NPC1: variants seen among roughly 807,000 people sequenced by gnomAD.
The protein encoded by NPC1 is Niemann-Pick C1 protein.
Under a neutral mutation model 140.4 loss-of-function variants are expected in NPC1, and 85 were observed. The observed-to-expected ratio is 0.61, with a 90% CI of 0.51 to 0.72. The LOEUF is 0.72. NPC1 is among the 30% of genes least tolerant of loss of function. NPC1 has a pLI of 0.00. For synonymous variants in NPC1, 656 were observed against 624.8 expected (o/e 1.05, Z -0.74); for missense variants, 1,504 against 1,623.8 (o/e 0.93, Z 1.27).
At chr18:23,563,838 T>C (rs1345112352) in intron 4 of NPC1, among the ~76,000 whole-genome samples, 1 of 152,144 alleles carries the variant, frequency 6.6e-6, no homozygotes, top group East Asian at 1.9e-4. Flanking sequence ...CATTGTGGTT[T>C]TGATTTGTAT....
At chr18:23,543,590 AT>A (rs1400805767) in intron 13 of NPC1, 21 bp from the exon 14 acceptor site, 3 of 1,093,248 alleles carry the variant, frequency 2.7e-6, no homozygotes, top group African/African-American at 1.7e-5. Context: ...AAAAAAAAAA[AT>A]TATGCGACAT....
chr18:23,518,485 C>T (rs1397326822), downstream of NPC1, among the ~76,000 whole-genome samples: 1 of 151,560 alleles, frequency 6.6e-6, no homozygotes, highest in Non-Finnish European at 1.5e-5. Flanking sequence ...CAGAGGGAGA[C>T]CCTGTCTCTG....
chr18:23,561,298 G>A, intron 5 of NPC1, 62 bp downstream of exon 5: 1 of 1,567,478 alleles, frequency 6.4e-7, no homozygotes, highest in Non-Finnish European at 8.8e-7. Flanking sequence ...ACTGTGCCCA[G>A]CCAGTTCCTT....
Position 23,535,449 on chromosome 18 carries a change from G to A in NPC1, c.3477+20C>T. The A allele has an allele frequency of 3.2e-6, 5 of 1,552,408 alleles. No homozygotes were observed. Among genetic ancestry groups the A allele is most frequent in the Non-Finnish European group, 4.4e-6 (5 of 1,128,712 alleles). On this transcript the variant is annotated intron_variant, in intron 22 of 24. Coordinates refer to ENST00000269228, the MANE Select transcript of NPC1 (RefSeq NM_000271.5). ...GTGAAACAGGAGCTAGGGACAAACTGAGACTGTATGAGGACTCACCATCAC... is the reference window on the plus strand; with the variant it reads ...GTGAAACAGGAGCTAGGGACAAACTAAGACTGTATGAGGACTCACCATCAC...
At chr18:23,517,275 G>A (rs1788816) in intron 3 of NPC1, among the ~76,000 whole-genome samples, 1 of 150,938 alleles carries the variant, frequency 6.6e-6, no homozygotes, top group Admixed American at 6.6e-5. Flanking sequence ...TCAGCCTCCC[G>A]AGTAGCTGGG....
chr18:23,535,900 A>T (rs2058623001), intron 21 of NPC1, among the ~76,000 whole-genome samples, 200 bp from the exon 22 acceptor site: 1 of 152,092 alleles, frequency 6.6e-6, no homozygotes, highest in African/African-American at 2.4e-5. Flanking sequence ...AGGGCCCAGC[A>T]GTGATGCAAA....
Position 23,544,339 on chromosome 18 carries a change from T to C in NPC1, c.2130+5A>G. On this transcript the variant is annotated splice_donor_5th_base_variant and intron_variant, in intron 13 of 24. Transcript: ENST00000269228. ...GCTGAGCCCTGTGAGAATATGGAAG[T>C]ATACCTGGTAGGCCTGCACCAGAAT... 6.2e-7 allele frequency: 1 copy of C among 1,613,874 alleles called. No homozygotes were observed. The highest frequency in any genetic ancestry group is 8.5e-7 in the Non-Finnish European group (1 of 1,179,880).
At position 23,535,690 on chromosome 18, in the gene NPC1, C is replaced by T; in HGVS notation, c.3256G>A (p.Val1086Ile). ...YRVFPYSVFY[V>I]FYEQYLTIID... ...ATGGTCAGGTACTGTTCGTAGAAGACATAAAACACACTGGAGGGGAGAGGG... is the reference window on the plus strand; with the variant it reads ...ATGGTCAGGTACTGTTCGTAGAAGATATAAAACACACTGGAGGGGAGAGGG... The change falls in exon 22 of 25, where the codon GTC becomes ATC. Residue 1086 changes from valine to isoleucine, a missense_variant. Coordinates refer to ENST00000269228, the MANE Select transcript of NPC1 (RefSeq NM_000271.5). The T allele has an allele frequency of 6.2e-7, 1 of 1,612,308 alleles. No homozygotes were observed. The highest frequency in any genetic ancestry group is 8.5e-7 in the Non-Finnish European group (1 of 1,178,374).
In NPC1 at chr18:23,586,408, T is replaced by A; in HGVS notation, c.-65A>T. On this transcript the variant is annotated 5_prime_UTR_variant, in exon 1 of 25. Transcript: ENST00000269228. Reference sequence around the variant, plus strand: ...GCTGGTTGGGCTCCCCGGAGGCGGCTCTACTTCCCCGGGCTGTTTCAGCAC... The same window carrying A: ...GCTGGTTGGGCTCCCCGGAGGCGGCACTACTTCCCCGGGCTGTTTCAGCAC... 1 of 1,528,240 alleles carries A rather than the reference T, an allele frequency of 6.5e-7. No individual in the cohort carries two copies. Among genetic ancestry groups the A allele is most frequent in the African/African-American group, 1.4e-5 (1 of 72,168 alleles). 94.7% of individuals were successfully genotyped at this position (1,528,240 alleles called of 1,614,324 possible). A position where few individuals can be genotyped will look rare whatever the true frequency, so the allele number is the denominator to read the frequency against.
chr18:23,556,148 C>T, intron 8 of NPC1, 95 bp downstream of exon 8: 5 of 1,100,896 alleles, frequency 4.5e-6, no homozygotes, highest in South Asian at 1.3e-5. Context: ...CCATGACATT[C>T]AGCCCCAAAT....
downstream of NPC1, chr18:23,524,611 A>T: frequency 1.4e-6 from 1 of 719,220 alleles, no homozygotes; most frequent in Non-Finnish European, 2.2e-6. Flanking sequence ...TGGGAATGGG[A>T]TTTTTTTTTT....
intron 9 of NPC1, 64 bp from the exon 10 acceptor site, chr18:23,551,791 A>G (rs1331577342): frequency 9.4e-7 from 1 of 1,067,098 alleles, no homozygotes; most frequent in Non-Finnish European, 1.5e-6. Context: ...GGACCTAAAC[A>G]TTTACACAGT....
Position 23,554,966 on chromosome 18 carries a change from C to CT in NPC1, c.1344dup (p.Ala449SerfsTer10). ...TAAGAGGCAGTAATGTTTTCGATGG[C>CT]TATTTGTAAGTCAAGAACCTGAAAG... On this transcript the variant is annotated frameshift_variant, in exon 9 of 25. Coordinates refer to ENST00000269228, the MANE Select transcript of NPC1 (RefSeq NM_000271.5). LOFTEE classifies it high-confidence loss of function. 2 of 1,612,164 alleles carry CT rather than the reference C, an allele frequency of 1.2e-6. No individual in the cohort carries two copies. The highest frequency in any genetic ancestry group is 8.5e-7 in the Non-Finnish European group (1 of 1,178,246).
At chr18:23,517,441 C>T (rs913797661), downstream of NPC1, among the ~76,000 whole-genome samples, 2 of 152,122 alleles carry the variant, frequency 1.3e-5, no homozygotes, top group Non-Finnish European at 2.9e-5. Context: ...AGCCACCACG[C>T]CTGGCAGTAC....
intron 4 of NPC1, among the ~76,000 whole-genome samples, chr18:23,565,785 T>G (rs569238470): frequency 6.6e-6 from 1 of 152,266 alleles, no homozygotes; most frequent in Non-Finnish European, 1.5e-5. Context: ...GATTTTTGTA[T>G]GCTGAATTTT....
chr18:23,546,690 A>G (rs1258292492), intron 11 of NPC1, among the ~76,000 whole-genome samples: 6 of 152,240 alleles, frequency 3.9e-5, no homozygotes, highest in Non-Finnish European at 8.8e-5. Flanking sequence ...GTACTGATAC[A>G]TGCCACAACA....
downstream of NPC1, among the ~76,000 whole-genome samples, chr18:23,519,867 A>C (rs1652340): frequency 0.75 from 113,800 of 151,940 alleles, 43,730 homozygotes; most frequent in East Asian, 0.92. Flanking sequence ...GAAGCTGCTT[A>C]CCTCCTCTAC....
chr18:23,567,618 T>C (rs2059144598), intron 4 of NPC1, among the ~76,000 whole-genome samples: 1 of 152,214 alleles, frequency 6.6e-6, no homozygotes, highest in African/African-American at 2.4e-5. Flanking sequence ...TTTTTCACAA[T>C]CACAATAGTG....
At chr18:23,534,277 C>T in intron 23 of NPC1, 169 bp downstream of exon 23, 1 of 684,280 alleles carries the variant, frequency 1.5e-6, no homozygotes, top group South Asian at 1.5e-5. Flanking sequence ...AGGTACAGTT[C>T]CACAGAACGT....
Sources: gnomAD v4.1 joint callset for allele counts (sites outside exome capture counted in the v4.1 genomes callset) on GRCh38, gnomAD v4.1.1 for gene constraint, MANE v1.5 for transcripts, NCBI Gene and HGNC (gene_info 2026-07-23, HGNC 2026-07-21) for gene names.